NECAB1: variants seen among roughly 807,000 people sequenced by gnomAD.
NECAB1 encodes the protein N-terminal EF-hand calcium binding protein 1, also known as N-terminal EF-hand calcium-binding protein 1.
NECAB1 carries 29 observed loss-of-function variants against 57.5 expected under a neutral mutation model. That is an observed-to-expected ratio of 0.50 (90% CI 0.38 to 0.69). NECAB1 has a LOEUF of 0.69. NECAB1 is among the 30% of genes least tolerant of loss of function. NECAB1 has a pLI of 0.00. For synonymous variants in NECAB1, 142 were observed against 147.7 expected, an observed-to-expected ratio of 0.96 and a Z score of 0.28; for missense variants, 372 against 413.8, an observed-to-expected ratio of 0.90 and a Z score of 0.88.
At chr8:90,869,292 A>G (rs1271154506) in intron 3 of NECAB1, among the ~76,000 whole-genome samples, 1 of 152,206 alleles carries the variant, frequency 6.6e-6, no homozygotes, top group Non-Finnish European at 1.5e-5. Context: ...GTGTGGTTGG[A>G]GCCTCCACAT....
At chr8:90,878,915 C>CTA (rs1356341449) in intron 4 of NECAB1, among the ~76,000 whole-genome samples, 86 of 148,246 alleles carry the variant, frequency 5.8e-4, no homozygotes, top group African/African-American at 2.0e-3. Flanking sequence ...ACCTCTCTCT[C>CTA]TCTATATATA....
chr8:90,914,377 G>A (rs13248156), intron 5 of NECAB1, among the ~76,000 whole-genome samples: 1,542 of 152,248 alleles, frequency 0.01, 10 homozygotes, highest in Non-Finnish European at 0.017. Context: ...TCAAGGAAAG[G>A]AACATCTGTA....
chr8:90,898,780 CAGT>C (rs1809425388), intron 5 of NECAB1, among the ~76,000 whole-genome samples: 1 of 152,242 alleles, frequency 6.6e-6, no homozygotes, highest in South Asian at 2.1e-4. Context: ...GTCACTCTCA[CAGT>C]CAGGCACCTG....
At chr8:90,829,691 T>G (rs1203295055) in intron 3 of NECAB1, among the ~76,000 whole-genome samples, 1 of 152,072 alleles carries the variant, frequency 6.6e-6, no homozygotes. Flanking sequence ...CAGTACTTGT[T>G]AAATCACTGA....
chr8:90,924,203 C>A (rs1349465762), intron 6 of NECAB1, among the ~76,000 whole-genome samples: 3 of 152,114 alleles, frequency 2.0e-5, no homozygotes, highest in African/African-American at 7.2e-5. Flanking sequence ...TTTTTCAAAA[C>A]AATTGGCAAT....
At chr8:90,821,871 C>G (rs1428877631) in intron 2 of NECAB1, among the ~76,000 whole-genome samples, 1 of 151,752 alleles carries the variant, frequency 6.6e-6, no homozygotes, top group African/African-American at 2.4e-5. Context: ...AAGTGCCCTA[C>G]TAGCAAATGG....
At chr8:90,820,199 G>A (rs1401999404) in intron 2 of NECAB1, among the ~76,000 whole-genome samples, 1 of 151,882 alleles carries the variant, frequency 6.6e-6, no homozygotes, top group Non-Finnish European at 1.5e-5. Flanking sequence ...CCTGACTTCA[G>A]TTGTCCAATG....
chr8:90,861,459 C>T (rs186445100), intron 3 of NECAB1, among the ~76,000 whole-genome samples: 138 of 152,174 alleles, frequency 9.1e-4, no homozygotes, highest in African/African-American at 2.9e-3. Flanking sequence ...TAAATTATCA[C>T]GAGAAATGGA....
In NECAB1 at chr8:90,958,340, C is replaced by T. The variant is rs1262272805; in HGVS notation, c.*2828C>T. The T allele has an allele frequency of 2.6e-5, 4 of 151,628 alleles. No homozygotes were observed. The East Asian group carries it at 7.7e-4, about 29-fold the overall frequency. 9.4% of individuals were successfully genotyped at this position (151,628 alleles called of 1,614,324 possible). A position where few individuals can be genotyped will look rare whatever the true frequency, so the allele number is the denominator to read the frequency against. On this transcript the variant is annotated 3_prime_UTR_variant, in exon 13 of 13. Transcript: ENST00000417640. ...TCTGATTAGTGACATAAGTAGCAGC[C>T]GTTTTTCAACTTCAGTTTCATTCAC...
intron 3 of NECAB1, among the ~76,000 whole-genome samples, chr8:90,837,572 A>G (rs1460615630): frequency 1.3e-5 from 2 of 152,262 alleles, no homozygotes; most frequent in Non-Finnish European, 2.9e-5. Flanking sequence ...AAAGTGAAAC[A>G]TTGGAGAAGG....
intron 4 of NECAB1, among the ~76,000 whole-genome samples, chr8:90,875,432 G>C (rs1190556): frequency 8.0e-6 from 1 of 124,878 alleles, no homozygotes; most frequent in East Asian, 2.8e-4. Flanking sequence ...AGTGAGCCGA[G>C]ATTGCGCCAC....
chr8:90,892,717 C>G (rs149854541), intron 5 of NECAB1, among the ~76,000 whole-genome samples: 117 of 152,324 alleles, frequency 7.7e-4, no homozygotes, highest in African/African-American at 2.7e-3. Flanking sequence ...CACAGGGATT[C>G]CTTGTCACAG....
At chr8:90,872,267 G>T in intron 4 of NECAB1, 114 bp downstream of exon 4, 1 of 835,818 alleles carries the variant, frequency 1.2e-6, no homozygotes, top group Non-Finnish European at 1.8e-6. Flanking sequence ...GTTCACAAAG[G>T]AAAAATTAAT....
chr8:90,845,128 G>T (rs949422576), intron 3 of NECAB1, among the ~76,000 whole-genome samples: 9 of 152,120 alleles, frequency 5.9e-5, no homozygotes, highest in African/African-American at 2.2e-4. Context: ...TGCCCACATT[G>T]CAGAGGGCAA....
intron 2 of NECAB1, among the ~76,000 whole-genome samples, chr8:90,821,728 T>A (rs1459551777): frequency 6.6e-6 from 1 of 151,712 alleles, no homozygotes; most frequent in Non-Finnish European, 1.5e-5. Context: ...AGAATCCCCC[T>A]TATTATATCG....
At chr8:90,909,517 G>T (rs1157013309) in intron 5 of NECAB1, among the ~76,000 whole-genome samples, 1 of 152,046 alleles carries the variant, frequency 6.6e-6, no homozygotes, top group Non-Finnish European at 1.5e-5. Context: ...CTGAGTTTTA[G>T]CATGTTCACA....
chr8:90,794,473 C>T (rs1176401264), intron 1 of NECAB1, among the ~76,000 whole-genome samples: 2 of 152,072 alleles, frequency 1.3e-5, no homozygotes, highest in Non-Finnish European at 2.9e-5. Flanking sequence ...TTGAGGAAAA[C>T]TTTGATTTGC....
At chr8:90,949,146 T>TTGTGTGTGTGTGTGTGTG (rs59311652) in intron 10 of NECAB1, among the ~76,000 whole-genome samples, 1 of 129,876 alleles carries the variant, frequency 7.7e-6, no homozygotes, top group South Asian at 2.8e-4. Flanking sequence ...AACAGGCACT[T>TTGTGTGTGTGTGTGTGTG]TGTGTGTGTG....
At chr8:90,817,046 A>C (rs1812071346) in intron 2 of NECAB1, among the ~76,000 whole-genome samples, 1 of 151,810 alleles carries the variant, frequency 6.6e-6, no homozygotes, top group Non-Finnish European at 1.5e-5. Flanking sequence ...TTGGATCTAC[A>C]CCAAACTATT....
Sources: gnomAD v4.1 joint callset for allele counts (sites outside exome capture counted in the v4.1 genomes callset) on GRCh38, gnomAD v4.1.1 for gene constraint, MANE v1.5 for transcripts, NCBI Gene and HGNC (gene_info 2026-07-23, HGNC 2026-07-21) for gene names.